Variants in BBOX1 observed in about 807,000 individuals in gnomAD.
The protein encoded by BBOX1 is gamma-butyrobetaine dioxygenase.
A neutral mutation model predicts 41.6 loss-of-function variants in BBOX1; 35 were observed. That is an observed-to-expected ratio of 0.84 (90% CI 0.64 to 1.11). The LOEUF (loss-of-function observed/expected upper bound fraction) is 1.11. BBOX1 is among the 50% of genes most tolerant of loss of function. The probability of loss-of-function intolerance (pLI) is 0.00; values close to 1 mark genes in which losing one functional copy is unlikely to be tolerated. For missense variants in BBOX1, 458 were observed against 460.6 expected (o/e 0.99, Z 0.05); for synonymous variants, 163 against 154.7 (o/e 1.05, Z -0.40).
chr11:27,071,315 G>A (rs1156284412), intron 4 of BBOX1, among the ~76,000 whole-genome samples: 1 of 151,800 alleles, frequency 6.6e-6, no homozygotes, highest in African/African-American at 2.4e-5. Context: ...CTGGGAGGCA[G>A]AGCTTGCAGT....
intron 4 of BBOX1, among the ~76,000 whole-genome samples, chr11:27,082,342 C>A (rs1327551041): frequency 6.6e-6 from 1 of 152,060 alleles, no homozygotes; most frequent in African/African-American, 2.4e-5. Context: ...GAAACCTGTT[C>A]CACGGGGAGG....
At chr11:27,068,292 T>C (rs991267653) in intron 4 of BBOX1, among the ~76,000 whole-genome samples, 40 of 152,174 alleles carry the variant, frequency 2.6e-4, no homozygotes, top group Admixed American at 3.9e-4. Flanking sequence ...TGGCATCTCA[T>C]GGTGGTTTTA....
rs546633778 is a variant in BBOX1, at chr11:27,098,591, A to ATAC, written c.533+5228_533+5230dup. On this transcript the variant is annotated intron_variant, in intron 5 of 8. Transcript: ENST00000263182. ...GACTGTAGCAATGCATGGCTTTATC[A>ATAC]TACTATAATTCTGGTAAGATAATAT... Among the ~76,000 whole-genome samples, 62 of 152,194 alleles carry ATAC rather than the reference A, an allele frequency of 4.1e-4. 1 individual carries two copies. The South Asian group carries it at 5.4e-3, about 13-fold the overall frequency.
At chr11:27,078,662 A>C (rs1857719744) in intron 4 of BBOX1, among the ~76,000 whole-genome samples, 1 of 152,198 alleles carries the variant, frequency 6.6e-6, no homozygotes, top group African/African-American at 2.4e-5. Context: ...GAGGAACATC[A>C]CACACATACA....
chr11:27,122,429 G>A (rs529618735), intron 7 of BBOX1, among the ~76,000 whole-genome samples: 4 of 152,080 alleles, frequency 2.6e-5, no homozygotes, highest in Non-Finnish European at 5.9e-5. Context: ...ATATATGGAA[G>A]CCCCTACTAT....
At chr11:27,122,025 A>G (rs73434011) in intron 7 of BBOX1, among the ~76,000 whole-genome samples, 1,927 of 152,286 alleles carry the variant, frequency 0.013, 46 homozygotes, top group African/African-American at 0.043. Context: ...ACTTAAAAGT[A>G]TATTTTCAAC....
chr11:27,057,357 A>G, intron 4 of BBOX1, 42 bp downstream of exon 4: 1 of 1,452,038 alleles, frequency 6.9e-7, no homozygotes, highest in Non-Finnish European at 9.5e-7. Flanking sequence ...AAACCCTTAC[A>G]GTAAAGGATT....
Position 27,043,894 on chromosome 11 carries a change from T to C in BBOX1, c.-39+2416T>C, listed in dbSNP as rs544537983. On this transcript the variant is annotated intron_variant, in intron 2 of 8. Transcript: ENST00000263182. ...GTCTTTGCCATTGTGAACAGTGCTGTAATAAACATACATGTGCACGTGTCT... is the reference window on the plus strand; with the variant it reads ...GTCTTTGCCATTGTGAACAGTGCTGCAATAAACATACATGTGCACGTGTCT... 3.3e-5 allele frequency among the ~76,000 whole-genome samples: 5 copies of C among 152,312 alleles called. No homozygotes were observed. The South Asian group carries it at 1.0e-3, about 32-fold the overall frequency.
chr11:27,098,040 C>T (rs1454559165), intron 5 of BBOX1, among the ~76,000 whole-genome samples: 1 of 152,000 alleles, frequency 6.6e-6, no homozygotes, highest in Admixed American at 6.6e-5. Flanking sequence ...CCGCTTCTTT[C>T]TCTTCCTGCT....
intron 4 of BBOX1, among the ~76,000 whole-genome samples, chr11:27,085,249 T>C (rs927973633): frequency 9.2e-5 from 14 of 152,174 alleles, no homozygotes; most frequent in Admixed American, 2.0e-4. Flanking sequence ...ACACTTCACT[T>C]TACTGAGCTT....
At chr11:27,077,420 A>T (rs1857670060) in intron 4 of BBOX1, among the ~76,000 whole-genome samples, 1 of 152,056 alleles carries the variant, frequency 6.6e-6, no homozygotes, top group African/African-American at 2.4e-5. Context: ...CACTCTGGGG[A>T]CTTACAGTTT....
At chr11:27,124,156 A>G (rs1859561927) in intron 7 of BBOX1, among the ~76,000 whole-genome samples, 1 of 152,064 alleles carries the variant, frequency 6.6e-6, no homozygotes, top group Non-Finnish European at 1.5e-5. Context: ...CAGACCCCAA[A>G]CCAGGGTCAC....
chr11:27,050,618 T>C (rs1297686691), intron 2 of BBOX1, among the ~76,000 whole-genome samples: 4 of 150,368 alleles, frequency 2.7e-5, no homozygotes, highest in Non-Finnish European at 4.4e-5. Flanking sequence ...AATTGAATTG[T>C]CTTATCGATA....
rs757327997 is a variant in BBOX1, at chr11:27,093,257, TCCACC to T, written c.426_430del (p.Thr143GlnfsTer13). 6.2e-6 allele frequency: 10 copies of T among 1,612,430 alleles called. No homozygotes were observed. Among genetic ancestry groups the T allele is most frequent in the Admixed American group, 1.7e-5 (1 of 59,796 alleles). On this transcript the variant is annotated frameshift_variant, in exon 5 of 9. Coordinates refer to ENST00000263182, the MANE Select transcript of BBOX1 (RefSeq NM_003986.3). LOFTEE classifies it high-confidence loss of function. ...TGATGAACACGCATACAAGTGGCTC[TCCACC>T]CTCAAGAAAGTAGGCATAGTAAGAC...
intron 4 of BBOX1, 76 bp from the exon 5 acceptor site, chr11:27,093,092 G>A: frequency 3.7e-6 from 5 of 1,361,454 alleles, no homozygotes; most frequent in Non-Finnish European, 5.1e-6. Flanking sequence ...TAATGAACTA[G>A]CCCCTTCTCT....
At chr11:27,115,664 A>G in intron 6 of BBOX1, 107 bp downstream of exon 6, 2 of 973,742 alleles carry the variant, frequency 2.1e-6, no homozygotes, top group Non-Finnish European at 2.9e-6. Context: ...TGTCTTTTAT[A>G]AATTTTTTCT....
At chr11:27,126,850 A>AT (rs540064400) in intron 8 of BBOX1, among the ~76,000 whole-genome samples, 3 of 151,626 alleles carry the variant, frequency 2.0e-5, no homozygotes, top group South Asian at 4.2e-4. Flanking sequence ...AATTTTTTCT[A>AT]TTTTTAGTAG....
At chr11:27,050,223 A>G in intron 2 of BBOX1, among the ~76,000 whole-genome samples, 1 of 152,076 alleles carries the variant, frequency 6.6e-6, no homozygotes, top group East Asian at 1.9e-4. Context: ...ATGTATTTTT[A>G]TTCCAATACC....
intron 4 of BBOX1, among the ~76,000 whole-genome samples, chr11:27,065,898 G>GA (rs1217940721): frequency 6.6e-6 from 1 of 152,070 alleles, no homozygotes; most frequent in African/African-American, 2.4e-5. Context: ...ACGGGACCTT[G>GA]AAAAGCTGGT....
Sources: gnomAD v4.1 joint callset for allele counts (sites outside exome capture counted in the v4.1 genomes callset) on GRCh38, gnomAD v4.1.1 for gene constraint, MANE v1.5 for transcripts, NCBI Gene and HGNC (gene_info 2026-07-23, HGNC 2026-07-21) for gene names.